The following NOC3L variants were observed in gnomAD, a reference collection of about 807,000 sequenced individuals.
NOC3L encodes the protein NOC3 like DNA replication regulator, also known as nucleolar complex protein 3 homolog.
In NOC3L, 85 loss-of-function variants were observed where a neutral mutation model predicts 102.5. That is an observed-to-expected ratio of 0.83 (90% confidence interval 0.70 to 0.99). NOC3L has a LOEUF of 0.99. Ranked by LOEUF, NOC3L falls within the 50% of genes least tolerant of loss-of-function variation. The probability of loss-of-function intolerance (pLI) is 0.00; values close to 1 mark genes in which losing one functional copy is unlikely to be tolerated. For synonymous variants in NOC3L, 303 were observed against 309.4 expected, an observed-to-expected ratio of 0.98 and a Z score of 0.22; for missense variants, 878 against 914.9, an observed-to-expected ratio of 0.96 and a Z score of 0.52.
chr10:94,316,543 T>G, the NOC3L span: 2 of 1,600,628 alleles, frequency 1.2e-6, no homozygotes, highest in African/African-American at 2.7e-5. Flanking sequence ...CACTTTTTCT[T>G]TAGATTCTGA....
chr10:94,337,987 T>C (rs2133984609), intron 18 of NOC3L, 113 bp from the exon 19 acceptor site: 1 of 623,372 alleles, frequency 1.6e-6, no homozygotes, highest in African/African-American at 1.8e-5. Flanking sequence ...TTTCATCACC[T>C]ATGTACAGTA....
intron 14 of NOC3L, 21 bp from the exon 15 acceptor site, chr10:94,340,517 G>T (rs774725524): frequency 1.0e-5 from 12 of 1,143,084 alleles, no homozygotes; most frequent in South Asian, 6.4e-5. Context: ...AAAAGGGGGG[G>T]GTGAGGGGGA....
intron 1 of NOC3L, among the ~76,000 whole-genome samples, chr10:94,362,383 T>C (rs2054561154): frequency 6.6e-6 from 1 of 152,196 alleles, no homozygotes; most frequent in African/African-American, 2.4e-5. Flanking sequence ...TCCACTTCTC[T>C]TGCTGGTGAC....
At chr10:94,329,793 A>AAAAC (rs2054136141), downstream of NOC3L, 1 of 149,746 alleles carries the variant, frequency 6.7e-6, no homozygotes, top group Non-Finnish European at 1.5e-5. Context: ...AAAAAAAAAA[A>AAAAC]AAAAAAAAAA....
At position 94,358,163 on chromosome 10, in the gene NOC3L, A is replaced by G. The variant is rs377508923; in HGVS notation, c.270T>C (p.Asp90=). 3.7e-6 allele frequency: 6 copies of G among 1,610,594 alleles called. No individual in the cohort carries two copies. In the African/African-American group the frequency reaches 5.3e-5, roughly 14 times the overall value. ...EEEEEEALPL[D]MMDEDDLQLM... is the part of the protein sequence containing the mutation. Reference sequence around the variant, plus strand: ...ACTGTAAGTCATCTTCATCCATCATATCTAAAGGAAGGGCTTCTTCTTCTT... The same window carrying G: ...ACTGTAAGTCATCTTCATCCATCATGTCTAAAGGAAGGGCTTCTTCTTCTT... Residue 90 remains aspartate, a synonymous_variant, in exon 3 of 21, where the codon GAT becomes GAC. Transcript: ENST00000371361.
rs781446479 is a variant in NOC3L at position 94,358,176 on chromosome 10, GCTT to G, written c.254_256del (p.Glu85del). 32 of 1,606,296 alleles carry G rather than the reference GCTT, an allele frequency of 2.0e-5. 1 individual carries two copies. Among genetic ancestry groups the G allele is most frequent in the African/African-American group, 1.3e-4 (10 of 74,882 alleles). Reference sequence around the variant, plus strand: ...TTCATCCATCATATCTAAAGGAAGGGCTTCTTCTTCTTCCTCTTCTTCCCTCTC... The same window carrying G: ...TTCATCCATCATATCTAAAGGAAGGGCTTCTTCTTCCTCTTCTTCCCTCTC... On this transcript the variant is annotated inframe_deletion, in exon 3 of 21. Coordinates refer to ENST00000371361, the MANE Select transcript of NOC3L (RefSeq NM_022451.11).
chr10:94,341,166 C>G (rs892704112), intron 14 of NOC3L, among the ~76,000 whole-genome samples: 1 of 151,060 alleles, frequency 6.6e-6, no homozygotes, highest in Non-Finnish European at 1.5e-5. Flanking sequence ...GAGTGAGACC[C>G]TATCTCAAAA....
chr10:94,315,534 C>T, the NOC3L span: 2,360 of 455,312 alleles, frequency 5.2e-3, 59 homozygotes, highest in African/African-American at 0.042. Flanking sequence ...TTTGGGAGGC[C>T]GAGGCGGGCA....
At chr10:94,362,768 C>A in intron 1 of NOC3L, 62 bp downstream of exon 1, 1 of 1,579,872 alleles carries the variant, frequency 6.3e-7, no homozygotes, top group South Asian at 1.1e-5. Context: ...CTAACTCAGG[C>A]AGTGACTCTA....
intron 1 of NOC3L, 60 bp downstream of exon 1, chr10:94,362,770 G>GTGACTCTA: frequency 6.3e-7 from 1 of 1,592,502 alleles, no homozygotes; most frequent in Non-Finnish European, 8.6e-7. Context: ...AACTCAGGCA[G>GTGACTCTA]TGACTCTATC....
intron 11 of NOC3L, among the ~76,000 whole-genome samples, chr10:94,345,180 A>C (rs2054329223): frequency 6.6e-6 from 1 of 152,228 alleles, no homozygotes; most frequent in South Asian, 2.1e-4. Context: ...TCTCTCACCT[A>C]TGGTTTCTTT....
At chr10:94,322,021 G>C in the NOC3L span, 1 of 1,614,152 alleles carries the variant, frequency 6.2e-7, no homozygotes, top group Non-Finnish European at 8.5e-7. Context: ...AGTCATCAAA[G>C]CACCCCGCGT....
intron 2 of NOC3L, among the ~76,000 whole-genome samples, chr10:94,360,018 T>C (rs565896177): frequency 5.9e-5 from 9 of 152,134 alleles, no homozygotes; most frequent in African/African-American, 2.2e-4. Context: ...AACAGATGAA[T>C]GGATAAAGAA....
In NOC3L at chr10:94,361,940, G is replaced by T. The variant is rs760361482; in HGVS notation, c.10-68C>A. On this transcript the variant is annotated intron_variant, in intron 1 of 20. Coordinates refer to ENST00000371361, the MANE Select transcript of NOC3L (RefSeq NM_022451.11). ...TTTTTAAATCAGGTTAAAGAGAACT[G>T]ATTACAAATTTCATTAGACCAATTC... 8 of 1,188,294 alleles carry T rather than the reference G, an allele frequency of 6.7e-6. No homozygotes were observed. The South Asian group carries it at 1.0e-4, about 15-fold the overall frequency. The allele number at this position is 1,188,294 out of a possible 1,614,324, so 73.6% of individuals were successfully genotyped here.
At chr10:94,333,116 G>A (rs1427855950), downstream of NOC3L, 3 of 152,080 alleles carry the variant, frequency 2.0e-5, no homozygotes, top group Admixed American at 6.6e-5. Context: ...TGTGAAAAAA[G>A]AACTCTAAGC....
chr10:94,315,038 G>A, the NOC3L span: 1 of 174,374 alleles, frequency 5.7e-6, no homozygotes, highest in Non-Finnish European at 1.2e-5. Flanking sequence ...ACTGTCACCC[G>A]TGCAAATCAG....
At chr10:94,341,259 T>C (rs2054281107) in intron 14 of NOC3L, among the ~76,000 whole-genome samples, 1 of 150,670 alleles carries the variant, frequency 6.6e-6, no homozygotes, top group Non-Finnish European at 1.5e-5. Context: ...TTTACAATAA[T>C]CTATTATCTA....
In NOC3L at chr10:94,361,827, T is replaced by C. The variant is rs1165854743; in HGVS notation, c.55A>G (p.Thr19Ala). The C allele has an allele frequency of 3.7e-6, 6 of 1,613,384 alleles. No homozygotes were observed. Among genetic ancestry groups the C allele is most frequent in the Non-Finnish European group, 5.1e-6 (6 of 1,179,782 alleles). The change falls in exon 2 of 21, where the codon ACT becomes GCT. Residue 19 changes from threonine (T) to alanine (A), a missense_variant. By Grantham distance (58) the Thr-to-Ala change is moderately conservative. Coordinates refer to ENST00000371361, the MANE Select transcript of NOC3L (RefSeq NM_022451.11). ...QIPSFRKLIK[T>A]SKVKLENKLK... The stretch of plus-strand genomic sequence containing the variant: ...TTGTTTTCAAGTTTGACTTTACTAG[T>C]TTTTATTAACTTGCGAAAGCTTGGG...
the NOC3L span, chr10:94,327,999 G>A: frequency 9.4e-6 from 5 of 531,882 alleles, no homozygotes. Context: ...GTTAAAGAGT[G>A]AACATGGTGG....
Sources: allele counts gnomAD v4.1 joint callset (sites outside exome capture counted in the v4.1 genomes callset), GRCh38; gene constraint gnomAD v4.1.1; transcripts MANE v1.5; gene names NCBI Gene and HGNC (gene_info 2026-07-23, HGNC 2026-07-21).